Variants in SEC16A observed in about 807,000 individuals in gnomAD.
The protein encoded by SEC16A is SEC16 homolog A, endoplasmic reticulum export factor.
SEC16A carries 110 observed loss-of-function variants against 221.9 expected under a neutral mutation model. That is an observed-to-expected ratio of 0.50 (90% CI 0.42 to 0.58). The LOEUF (loss-of-function observed/expected upper bound fraction) is 0.58. SEC16A is among the 20% of genes least tolerant of loss of function. SEC16A has a pLI of 0.00. For synonymous variants in SEC16A, 1,393 were observed against 1,257.7 expected, an observed-to-expected ratio of 1.11 and a Z score of -2.28; for missense variants, 3,165 against 3,097.8, an observed-to-expected ratio of 1.02 and a Z score of -0.52.
intron 1 of SEC16A, among the ~76,000 whole-genome samples, chr9:136,479,920 T>C (rs1340948082): frequency 6.6e-6 from 1 of 151,764 alleles, no homozygotes; most frequent in African/African-American, 2.4e-5. Context: ...GAAGATCGCT[T>C]GAGCCAGGGA....
intron 4 of SEC16A, among the ~76,000 whole-genome samples, chr9:136,468,935 C>T (rs1368585271): frequency 6.6e-6 from 1 of 152,132 alleles, no homozygotes; most frequent in Non-Finnish European, 1.5e-5. Context: ...ACACAACCTC[C>T]ACCTCCCAGG....
Position 136,465,951 on chromosome 9 carries a change from T to A in SEC16A, c.4303+11A>T, listed in dbSNP as rs577028719. The A allele has an allele frequency of 6.2e-7, 1 of 1,612,282 alleles. No individual in the cohort carries two copies. The highest frequency in any genetic ancestry group is 8.5e-7 in the Non-Finnish European group (1 of 1,179,424). ...GTTAGCCGGTATCCCTCTGTCCTGC[T>A]GAGCACACACCTTGCTCCATGGCAG... On this transcript the variant is annotated intron_variant, in intron 8 of 31. Transcript: ENST00000684901.
chr9:136,449,514 C>T (rs1324447707), intron 23 of SEC16A, among the ~76,000 whole-genome samples: 3 of 152,250 alleles, frequency 2.0e-5, no homozygotes, highest in Non-Finnish European at 1.5e-5. Context: ...TCCCAGAGTG[C>T]TGGGGTGACA....
intron 17 of SEC16A, 47 bp from the exon 18 acceptor site, chr9:136,457,631 G>GC (rs1838870399): frequency 6.3e-7 from 1 of 1,577,612 alleles, no homozygotes; most frequent in Non-Finnish European, 8.6e-7. Context: ...CCGCGTCCGA[G>GC]CATCGCCGAT....
At chr9:136,448,346 G>A in intron 23 of SEC16A, 185 bp from the exon 24 acceptor site, 1 of 715,640 alleles carries the variant, frequency 1.4e-6, no homozygotes. Flanking sequence ...GAGGTGGGGA[G>A]CAGATCCACA....
chr9:136,444,512 A>G (rs1226301657), intron 30 of SEC16A, among the ~76,000 whole-genome samples: 1 of 152,214 alleles, frequency 6.6e-6, no homozygotes, highest in Non-Finnish European at 1.5e-5. Context: ...ATTTGGAAAG[A>G]GCAAAATGAC....
chr9:136,483,367 T>G (rs1278848470), upstream of SEC16A: 2 of 463,350 alleles, frequency 4.3e-6, no homozygotes, highest in African/African-American at 5.2e-5. Context: ...CTCGCCTCAT[T>G]CTTTCGTCCC....
chr9:136,445,222 C>A, intron 29 of SEC16A, 111 bp from the exon 30 acceptor site: 3 of 890,184 alleles, frequency 3.4e-6, no homozygotes, highest in Non-Finnish European at 5.4e-6. Flanking sequence ...CCATTAGAAT[C>A]AACATAACTC....
In SEC16A at chr9:136,459,878, A is replaced by C. The variant is rs768460329; in HGVS notation, c.5074-4T>G. 2 of 1,611,366 alleles carry C rather than the reference A, an allele frequency of 1.2e-6. No homozygotes were observed. Among genetic ancestry groups the C allele is most frequent in the Non-Finnish European group, 1.7e-6 (2 of 1,178,420 alleles). On this transcript the variant is annotated splice_polypyrimidine_tract_variant and splice_region_variant and intron_variant, in intron 14 of 31. Transcript: ENST00000684901. This position sits in a 1 kb window ranked among gnomAD's most constrained non-coding sequence, Gnocchi z 6.1. ...CCCATTTCTCGTCTCCACAGCACTA[A>C]CATGAGGAAAAACAAAACGAAGCCT...
Position 136,443,803 on chromosome 9 carries a change from G to T in SEC16A, c.7005+20C>A. The T allele has an allele frequency of 4.4e-6, 7 of 1,603,810 alleles. No individual in the cohort carries two copies. The South Asian group carries it at 6.7e-5, about 15-fold the overall frequency. On this transcript the variant is annotated intron_variant, in intron 31 of 31. Coordinates refer to ENST00000684901, the MANE Select transcript of SEC16A (RefSeq NM_014866.2). ...AGTGGGCGTGTTAGGGTCTCGTAGG[G>T]AAAGGTAGGAGTCACTCACCTGTGC... is the stretch of plus-strand genomic sequence containing the variant.
In SEC16A at chr9:136,477,626, T is replaced by C. The variant is rs1244642884; in HGVS notation, c.-11A>G. The C allele has an allele frequency of 6.3e-7, 1 of 1,592,554 alleles. No individual in the cohort carries two copies. Among genetic ancestry groups the C allele is most frequent in the South Asian group, 1.1e-5 (1 of 90,016 alleles). ...GGGCGGTGGCTGCATGACTGAACCC[T>C]TGCACAAGTCGATGCTGCTTACAGA... On this transcript the variant is annotated 5_prime_UTR_variant, in exon 3 of 32. Transcript: ENST00000684901.
At chr9:136,458,305 C>G (rs1284864803) in intron 17 of SEC16A, among the ~76,000 whole-genome samples, 1 of 152,088 alleles carries the variant, frequency 6.6e-6, no homozygotes, top group Non-Finnish European at 1.5e-5. Flanking sequence ...CCCCACACTG[C>G]ATCAGAGAAT....
intron 13 of SEC16A, among the ~76,000 whole-genome samples, chr9:136,460,669 CAGA>C (rs1839356415): frequency 6.6e-6 from 1 of 151,224 alleles, no homozygotes; most frequent in Non-Finnish European, 1.5e-5. Context: ...CCAGCACTTT[CAGA>C]AGGCCAAGGC....
chr9:136,477,683 AGCTGG>A lies in SEC16A; in HGVS notation c.-69-4_-69del. ...CAGGATATAGCTGTTCCTTAATTGG[AGCTGG>A]AAAAGAAAAAGAGAAAATCAGCATA... On this transcript the variant is annotated splice_acceptor_variant and splice_polypyrimidine_tract_variant and 5_prime_UTR_variant and intron_variant, in exon 3 of 32. Coordinates refer to ENST00000684901, the MANE Select transcript of SEC16A (RefSeq NM_014866.2). LOFTEE classifies it low-confidence loss of function (5UTR_SPLICE). The A allele has an allele frequency of 1.4e-6, 2 of 1,466,212 alleles. No homozygotes were observed. The highest frequency in any genetic ancestry group is 5.3e-5 in the Admixed American group (2 of 37,780). 90.8% of individuals were successfully genotyped at this position (1,466,212 alleles called of 1,614,324 possible).
intron 2 of SEC16A, among the ~76,000 whole-genome samples, 75 bp downstream of exon 2, chr9:136,478,634 G>A (rs1182644964): frequency 6.6e-6 from 1 of 151,932 alleles, no homozygotes; most frequent in African/African-American, 2.4e-5. Context: ...CCAGGAGGTC[G>A]AGACCAGCCT....
At position 136,462,758 on chromosome 9, in the gene SEC16A, C is replaced by T. The variant is rs138158440; in HGVS notation, c.4893+129G>A. On this transcript the variant is annotated intron_variant, in intron 12 of 31. Coordinates refer to ENST00000684901, the MANE Select transcript of SEC16A (RefSeq NM_014866.2). ...GCATTGTTCAGGAAACAGCAAGACC[C>T]GAAGCCCCACACTGCAGCGCGGATG... The T allele has an allele frequency of 9.6e-5, 100 of 1,043,872 alleles. No individual in the cohort carries two copies. In the East Asian group the frequency reaches 1.8e-3, roughly 19 times the overall value. The allele number at this position is 1,043,872 out of a possible 1,614,324, so 64.7% of individuals were successfully genotyped here.
Position 136,468,500 on chromosome 9 carries a change from A to C in SEC16A, c.3717T>G (p.Pro1239=). ...SERPPPRQGY[P]EGYYSSKSGW... ...CACTTTTGGAACTATAGTATCCTTC[A>C]GGATATCCTTGCCTGAAAAAACACA... Residue 1239 remains proline (P), a synonymous_variant, in exon 5 of 32, where the codon CCT becomes CCG. Coordinates refer to ENST00000684901, the MANE Select transcript of SEC16A (RefSeq NM_014866.2). 1 of 1,610,236 alleles carries C rather than the reference A, an allele frequency of 6.2e-7. No individual in the cohort carries two copies. The highest frequency in any genetic ancestry group is 8.5e-7 in the Non-Finnish European group (1 of 1,176,746).
At chr9:136,457,253 C>G (rs529660857) in intron 18 of SEC16A, among the ~76,000 whole-genome samples, 191 bp downstream of exon 18, 8 of 152,366 alleles carry the variant, frequency 5.3e-5, no homozygotes, top group Non-Finnish European at 1.0e-4. Context: ...GCACACGGTG[C>G]CTGAGAGTTC....
intron 18 of SEC16A, among the ~76,000 whole-genome samples, chr9:136,456,906 G>T (rs550833056): frequency 6.6e-6 from 1 of 152,236 alleles, no homozygotes; most frequent in Non-Finnish European, 1.5e-5. Flanking sequence ...GGTGGCTCAC[G>T]CCTGTAATCC....
Sources: allele counts gnomAD v4.1 joint callset (sites outside exome capture counted in the v4.1 genomes callset), GRCh38; gene constraint gnomAD v4.1.1; non-coding constraint Gnocchi (gnomAD v3.1); transcripts MANE v1.5; gene names NCBI Gene and HGNC (gene_info 2026-07-23, HGNC 2026-07-21).